CYP3A4: variants seen among roughly 807,000 people sequenced by gnomAD.
CYP3A4 encodes the protein cytochrome P450 3A4.
A neutral mutation model predicts 54.9 loss-of-function variants in CYP3A4; 41 were observed. The ratio of observed to expected loss-of-function variants is 0.75; its 90% CI spans 0.58 to 0.97. CYP3A4 has a LOEUF of 0.97. CYP3A4 is among the 50% of genes least tolerant of loss of function. The pLI, the probability that CYP3A4 is intolerant of heterozygous loss-of-function variation, is 0.00. For missense variants in CYP3A4, 510 were observed against 597.3 expected (o/e 0.85, Z 1.52); for synonymous variants, 179 against 205.2 (o/e 0.87, Z 1.09).
chr7:99,768,255 T>C, intron 7 of CYP3A4, 99 bp downstream of exon 7: 9 of 1,298,968 alleles, frequency 6.9e-6, no homozygotes, highest in Non-Finnish European at 9.8e-6. Context: ...CACTGAACTG[T>C]ATATTTTAAG....
intron 3 of CYP3A4, 103 bp from the exon 4 acceptor site, chr7:99,772,792 T>C: frequency 8.5e-7 from 1 of 1,181,862 alleles, no homozygotes. Context: ...CATAATCCCT[T>C]AGTTGTACAA....
intron 2 of CYP3A4, among the ~76,000 whole-genome samples, chr7:99,778,907 T>C (rs1258103288): frequency 6.6e-6 from 1 of 152,152 alleles, no homozygotes; most frequent in Non-Finnish European, 1.5e-5. Flanking sequence ...GGAAAAAATA[T>C]GAAATTCCTG....
At chr7:99,778,138 T>C in intron 2 of CYP3A4, 58 bp from the exon 3 acceptor site, 1 of 1,404,610 alleles carries the variant, frequency 7.1e-7, no homozygotes, top group Non-Finnish European at 1.0e-6. Context: ...TAACCCTGCC[T>C]CTAATTGGGA....
At chr7:99,762,747 GA>G (rs36010809) in intron 10 of CYP3A4, among the ~76,000 whole-genome samples, 306 of 152,256 alleles carry the variant, frequency 2.0e-3, no homozygotes, top group African/African-American at 7.2e-3. Flanking sequence ...TGTAACCAGA[GA>G]ACACGATTTC....
chr7:99,782,679 A>C (rs1414413208), intron 1 of CYP3A4, among the ~76,000 whole-genome samples: 1 of 152,118 alleles, frequency 6.6e-6, no homozygotes, highest in Non-Finnish European at 1.5e-5. Flanking sequence ...AGGGATGAGG[A>C]ATATTTTCTT....
chr7:99,768,969 G>A (rs1393901338), intron 6 of CYP3A4, among the ~76,000 whole-genome samples: 1 of 152,166 alleles, frequency 6.6e-6, no homozygotes, highest in East Asian at 1.9e-4. Flanking sequence ...CCTGTTCTGA[G>A]CTCCTAGAAA....
At chr7:99,766,287 T>C in intron 9 of CYP3A4, 90 bp downstream of exon 9, 1 of 1,485,452 alleles carries the variant, frequency 6.7e-7, no homozygotes, top group Admixed American at 1.8e-5. Flanking sequence ...GCAGAAATTC[T>C]CATCATCCTG....
intron 10 of CYP3A4, among the ~76,000 whole-genome samples, chr7:99,763,400 A>C (rs908169177): frequency 6.6e-5 from 10 of 152,240 alleles, no homozygotes; most frequent in Non-Finnish European, 1.2e-4. Flanking sequence ...CCTTTCAAAA[A>C]AAAAAGTCAC....
intron 7 of CYP3A4, among the ~76,000 whole-genome samples, chr7:99,767,896 T>C (rs1333575334): frequency 2.0e-5 from 3 of 152,076 alleles, no homozygotes; most frequent in African/African-American, 7.2e-5. Flanking sequence ...TGTCTAAATT[T>C]AGAGGAACAA....
chr7:99,769,706 C>T (rs1447621637), intron 6 of CYP3A4, 62 bp downstream of exon 6: 5 of 1,602,752 alleles, frequency 3.1e-6, no homozygotes, highest in Non-Finnish European at 4.3e-6. Context: ...ATATCAGCTC[C>T]ATGGCAGGCA....
At chr7:99,770,084 CTT>C in intron 5 of CYP3A4, 36 bp downstream of exon 5, 2 of 1,586,874 alleles carry the variant, frequency 1.3e-6, no homozygotes, top group Non-Finnish European at 1.7e-6. Flanking sequence ...CAGATTCATT[CTT>C]TAAGTTTCTT....
chr7:99,768,486 T>C lies in CYP3A4; in HGVS notation c.538A>G (p.Ser180Gly), dbSNP rs1815537508. The C allele has an allele frequency of 6.2e-7, 1 of 1,613,946 alleles. No homozygotes were observed. ...GATGTGCTAGTGATCACATCCATGC[T>C]GTAGGCCCCAAAGACGCTGAGTGGA... The part of the protein sequence containing the change: ...VTLKDVFGAY[S>G]MDVITSTSFG... The change falls in exon 7 of 13, where the codon AGC becomes GGC. Residue 180 changes from serine (S) to glycine (G), a missense_variant. By Grantham distance (56) the Ser-to-Gly change is moderately conservative (BLOSUM62 0). Coordinates refer to ENST00000651514, the MANE Select transcript of CYP3A4 (RefSeq NM_017460.6).
chr7:99,761,177 A>G (rs71582001), intron 11 of CYP3A4, among the ~76,000 whole-genome samples, 196 bp from the exon 12 acceptor site: 3 of 152,288 alleles, frequency 2.0e-5, no homozygotes, highest in African/African-American at 4.8e-5. Flanking sequence ...CTCTCCTGAC[A>G]CTATAGGAGC....
chr7:99,766,882 G>T, intron 8 of CYP3A4: 1 of 390,194 alleles, frequency 2.6e-6, no homozygotes, highest in Admixed American at 4.3e-5. Flanking sequence ...TAAAATTTAT[G>T]CCGTGGCATA....
chr7:99,782,716 T>G (rs908959161), intron 1 of CYP3A4, among the ~76,000 whole-genome samples: 1 of 152,200 alleles, frequency 6.6e-6, no homozygotes, highest in African/African-American at 2.4e-5. Context: ...ACCTGGATGC[T>G]TTTGCTGTCA....
rs55901263 is a variant in CYP3A4 at position 99,768,371 on chromosome 7, G to C, written c.653C>G (p.Pro218Arg). The C allele has an allele frequency of 3.2e-5, 51 of 1,613,748 alleles. No individual in the cohort carries two copies. The East Asian group carries it at 1.1e-3, about 34-fold the overall frequency. The change falls in exon 7 of 13, where the codon CCA (proline) becomes CGA (arginine). Residue 218 changes from proline (P) to arginine (R), a missense_variant. By Grantham distance (103) the Pro-to-Arg change is moderately radical. Around this residue, in one of 2 missense-constraint regions of CYP3A4, gnomAD observed 272 missense variants for 274.9 expected, o/e 0.99. Coordinates refer to ENST00000651514, the MANE Select transcript of CYP3A4 (RefSeq NM_017460.6). Reference protein sequence around the residue: ...KKLLRFDFLDPFFLSITVFPF... With the variant: ...KKLLRFDFLDRFFLSITVFPF... ...CCACATACTTATTGAGAGAAAGAAT[G>C]GATCCAAAAAATCAAATCTTAAAAG...
intron 12 of CYP3A4, among the ~76,000 whole-genome samples, chr7:99,760,579 G>A (rs923437044): frequency 6.6e-6 from 1 of 152,188 alleles, no homozygotes; most frequent in Non-Finnish European, 1.5e-5. Flanking sequence ...CAAGTTCAAG[G>A]AGACTGCAGA....
Position 99,772,574 on chromosome 7 carries a change from A to G in CYP3A4, c.318+16T>C, listed in dbSNP as rs781504891. On this transcript the variant is annotated intron_variant, in intron 4 of 12. Coordinates refer to ENST00000651514, the MANE Select transcript of CYP3A4 (RefSeq NM_017460.6). Reference sequence around the variant, plus strand: ...TTAATCAATCAGTATTTTAATTTCAACACATGAATGCTTACCCTCCGGTTT... The same window carrying G: ...TTAATCAATCAGTATTTTAATTTCAGCACATGAATGCTTACCCTCCGGTTT... 5.0e-6 allele frequency: 8 copies of G among 1,611,368 alleles called. No homozygotes were observed. Among genetic ancestry groups the G allele is most frequent in the East Asian group, 2.2e-5 (1 of 44,884 alleles).
At chr7:99,781,584 C>T (rs1453706931) in intron 1 of CYP3A4, among the ~76,000 whole-genome samples, 2 of 152,102 alleles carry the variant, frequency 1.3e-5, no homozygotes, top group Admixed American at 6.6e-5. Flanking sequence ...GGTTGGAAGA[C>T]TGGAGGAAGA....
Sources: allele counts gnomAD v4.1 joint callset (sites outside exome capture counted in the v4.1 genomes callset), GRCh38; gene constraint gnomAD v4.1.1; regional missense constraint gnomAD v4.1.1; transcripts MANE v1.5; gene names NCBI Gene and HGNC (gene_info 2026-07-23, HGNC 2026-07-21).